The following RBFOX1 variants were observed in gnomAD, a reference collection of about 807,000 sequenced individuals.
RBFOX1 encodes RNA binding fox-1 homolog 1, also known as RNA binding protein fox-1 homolog 1.
RBFOX1 carries 8 observed loss-of-function variants against 57.7 expected under a neutral mutation model. The ratio of observed to expected loss-of-function variants is 0.14; its 90% CI spans 0.08 to 0.25. The LOEUF (loss-of-function observed/expected upper bound fraction) is 0.25. RBFOX1 is among the 10% of genes least tolerant of loss of function. RBFOX1 has a pLI of 1.00. For synonymous variants in RBFOX1, 326 were observed against 222.4 expected (o/e 1.47, Z -4.15); for missense variants, 611 against 548.5 (o/e 1.11, Z -1.14).
chr16:7,292,927 G>A (rs1429167730), intron 4 of RBFOX1, among the ~76,000 whole-genome samples: 2 of 152,090 alleles, frequency 1.3e-5, no homozygotes, highest in Non-Finnish European at 2.9e-5. Flanking sequence ...AGCTTTTAAG[G>A]AGCAGGAAAC....
intron 3 of RBFOX1, among the ~76,000 whole-genome samples, chr16:6,778,919 G>A (rs1050843634): frequency 6.6e-6 from 1 of 151,408 alleles, no homozygotes; most frequent in Non-Finnish European, 1.5e-5. Flanking sequence ...ATATTTATGG[G>A]GACATTTTTA....
At chr16:6,392,660 A>T (rs532417075) in intron 2 of RBFOX1, among the ~76,000 whole-genome samples, 1 of 152,310 alleles carries the variant, frequency 6.6e-6, no homozygotes, top group South Asian at 2.1e-4. Context: ...CCCTAATGGG[A>T]TGCAGACAGT....
At chr16:7,123,225 G>C (rs1004495273) in intron 4 of RBFOX1, among the ~76,000 whole-genome samples, 1 of 152,074 alleles carries the variant, frequency 6.6e-6, no homozygotes, top group Non-Finnish European at 1.5e-5. Context: ...CAAGCCCATA[G>C]ATTATATGAG....
chr16:6,757,977 G>A (rs2076063156), intron 3 of RBFOX1, among the ~76,000 whole-genome samples: 1 of 152,106 alleles, frequency 6.6e-6, no homozygotes, highest in Non-Finnish European at 1.5e-5. Context: ...GGTTTTGTTG[G>A]TTGTTTTTAA....
At chr16:7,258,597 A>C (rs2094792346) in intron 4 of RBFOX1, among the ~76,000 whole-genome samples, 1 of 152,206 alleles carries the variant, frequency 6.6e-6, no homozygotes, top group Non-Finnish European at 1.5e-5. Flanking sequence ...GATTCATATT[A>C]GAGATCTATA....
intron 4 of RBFOX1, among the ~76,000 whole-genome samples, chr16:7,223,013 C>T (rs553880344): frequency 2.0e-5 from 3 of 152,216 alleles, no homozygotes; most frequent in Non-Finnish European, 4.4e-5. Flanking sequence ...TGAGGCTTCT[C>T]TTCCATCTGG....
intron 2 of RBFOX1, among the ~76,000 whole-genome samples, chr16:5,505,179 G>T (rs899715302): frequency 6.6e-6 from 1 of 152,172 alleles, no homozygotes; most frequent in South Asian, 2.1e-4. Flanking sequence ...ATTGTAGGCT[G>T]CATAAACCTC....
chr16:7,131,888 G>A (rs1435489938), intron 4 of RBFOX1, among the ~76,000 whole-genome samples: 1 of 152,058 alleles, frequency 6.6e-6, no homozygotes, highest in South Asian at 2.1e-4. Context: ...GCTTCTAGGG[G>A]GTGAGAGGCT....
At chr16:6,805,841 C>G (rs1336136424) in intron 3 of RBFOX1, among the ~76,000 whole-genome samples, 1 of 152,178 alleles carries the variant, frequency 6.6e-6, no homozygotes, top group Non-Finnish European at 1.5e-5. Flanking sequence ...CTATCTCCGC[C>G]TTTCTCCTTA....
Position 7,455,811 on chromosome 16 carries a change from GA to G in RBFOX1, c.28-62326del, listed in dbSNP as rs918016148. The stretch of plus-strand genomic sequence containing the variant: ...AAAAAAAAAAAAAAAAGAAAAAAAA[GA>G]AAAAAAAAACTGATTCACATTTCAA... On this transcript the variant is annotated intron_variant, in intron 4 of 15. Coordinates refer to ENST00000550418, the MANE Select transcript of RBFOX1 (RefSeq NM_018723.4). Among the ~76,000 whole-genome samples the G allele has an allele frequency of 4.4e-4, 61 of 137,602 alleles. 1 individual carries two copies. The highest frequency in any genetic ancestry group is 4.1e-3 in the Middle Eastern group (1 of 244). 90.3% of individuals were successfully genotyped at this position (137,602 alleles called of 152,430 possible).
At chr16:6,577,241 C>T (rs1451919465) in intron 2 of RBFOX1, 1 of 152,192 alleles carries the variant, frequency 6.6e-6, no homozygotes, top group African/African-American at 2.4e-5. Flanking sequence ...TGGAGGGTGT[C>T]TGTAATAGCA....
At chr16:6,495,910 A>C (rs527270734) in intron 2 of RBFOX1, among the ~76,000 whole-genome samples, 2 of 152,366 alleles carry the variant, frequency 1.3e-5, no homozygotes, top group East Asian at 3.9e-4. Flanking sequence ...TGGCTGCTTT[A>C]CATTAATCCT....
intron 2 of RBFOX1, among the ~76,000 whole-genome samples, chr16:6,607,025 TCTTGA>T (rs1458444046): frequency 6.6e-6 from 1 of 152,180 alleles, no homozygotes; most frequent in Non-Finnish European, 1.5e-5. Context: ...ATCTGTTGTT[TCTTGA>T]CTTTTTAATA....
intron 3 of RBFOX1, among the ~76,000 whole-genome samples, chr16:5,695,425 C>G (rs2050817145): frequency 6.6e-6 from 1 of 152,064 alleles, no homozygotes; most frequent in Non-Finnish European, 1.5e-5. Context: ...TCTAAAAAAC[C>G]ACTCTTTTGT....
intron 2 of RBFOX1, among the ~76,000 whole-genome samples, chr16:6,407,598 A>G (rs1033673535): frequency 1.3e-5 from 2 of 151,242 alleles, no homozygotes; most frequent in Non-Finnish European, 2.9e-5. Flanking sequence ...AGAGAGAAGT[A>G]CATTCTATCC....
chr16:6,658,591 A>C (rs1324381169), intron 3 of RBFOX1, among the ~76,000 whole-genome samples: 1 of 152,116 alleles, frequency 6.6e-6, no homozygotes, highest in Non-Finnish European at 1.5e-5. Context: ...CTCTTCATAG[A>C]ATAAAAGAAT....
chr16:7,052,193 A>C, intron 4 of RBFOX1, 95 bp downstream of exon 4: 1 of 1,503,370 alleles, frequency 6.7e-7, no homozygotes, highest in South Asian at 1.4e-5. Flanking sequence ...GTTCTAAATA[A>C]CAGGCTTCAT....
intron 3 of RBFOX1, among the ~76,000 whole-genome samples, chr16:6,946,587 C>G (rs1325827730): frequency 2.0e-5 from 3 of 151,982 alleles, no homozygotes; most frequent in African/African-American, 4.8e-5. Flanking sequence ...CTCCAAGAAC[C>G]TTTTTTTCAT....
chr16:5,877,947 T>C (rs1163358813), intron 4 of RBFOX1, among the ~76,000 whole-genome samples: 1 of 152,116 alleles, frequency 6.6e-6, no homozygotes, highest in Non-Finnish European at 1.5e-5. Flanking sequence ...AGTCCTCAAT[T>C]TGGTCCAGTG....
Sources: gnomAD v4.1 joint callset for allele counts (sites outside exome capture counted in the v4.1 genomes callset) on GRCh38, gnomAD v4.1.1 for gene constraint, MANE v1.5 for transcripts, NCBI Gene and HGNC (gene_info 2026-07-23, HGNC 2026-07-21) for gene names.